ATXN7: variants seen among roughly 807,000 people sequenced by gnomAD.
ATXN7 encodes ataxin 7, also known as ataxin-7.
In ATXN7, 12 loss-of-function variants were observed where a neutral mutation model predicts 70.5. The ratio of observed to expected loss-of-function variants is 0.17; its 90% CI spans 0.11 to 0.28. The LOEUF is 0.28. Among genes scored for constraint, ATXN7 ranks in the 10% least tolerant of loss-of-function variants. ATXN7 has a pLI of 1.00. For synonymous variants in ATXN7, 498 were observed against 448.7 expected, an observed-to-expected ratio of 1.11 and a Z score of -1.39; for missense variants, 1,256 against 1,131.7, an observed-to-expected ratio of 1.11 and a Z score of -1.58.
At chr3:63,926,489 A>C (rs908385794) in intron 4 of ATXN7, among the ~76,000 whole-genome samples, 2 of 152,152 alleles carry the variant, frequency 1.3e-5, no homozygotes, top group Middle Eastern at 3.2e-3. Context: ...TGTTTTGAAG[A>C]ACAGCAGGGG....
At position 63,979,069 on chromosome 3, in the gene ATXN7, T is replaced by TA. The variant is rs1326354715; in HGVS notation, c.500-846_500-845insA. On this transcript the variant is annotated intron_variant, in intron 5 of 12. Coordinates refer to ENST00000674280, the MANE Select transcript of ATXN7 (RefSeq NM_001377405.1). ...ATAAAGTTACCAAATGATTTACTTG[T>TA]TTCTGATGGTAACATTCTTCAACAG... 2.0e-5 allele frequency among the ~76,000 whole-genome samples: 3 copies of TA among 152,254 alleles called. No homozygotes were observed. In the East Asian group the frequency reaches 5.8e-4, roughly 29 times the overall value.
At chr3:63,864,383 G>C (rs573046639) in intron 1 of ATXN7, 2 of 152,090 alleles carry the variant, frequency 1.3e-5, no homozygotes, top group Non-Finnish European at 2.9e-5. Context: ...GGTACCGAGG[G>C]GGGCGCGTCG....
At chr3:63,988,442 T>G (rs1378956927) in intron 9 of ATXN7, 118 bp downstream of exon 9, 1 of 1,359,400 alleles carries the variant, frequency 7.4e-7, no homozygotes, top group East Asian at 2.3e-5. Flanking sequence ...GTGGAGATAG[T>G]TTTTTAAGGA....
At position 63,959,095 on chromosome 3, in the gene ATXN7, T is replaced by A. The variant is rs189991591; in HGVS notation, c.499+6612T>A. Among the ~76,000 whole-genome samples the A allele has an allele frequency of 2.5e-3, 385 of 152,340 alleles. 2 individuals carry two copies. Among genetic ancestry groups the A allele is most frequent in the African/African-American group, 9.0e-3 (374 of 41,572 alleles). ...GATATAATGATGGTAGGTAGATAATTGATTTAGCGTAGTCATTGGATTTCT... is the reference window on the plus strand; with the variant it reads ...GATATAATGATGGTAGGTAGATAATAGATTTAGCGTAGTCATTGGATTTCT... On this transcript the variant is annotated intron_variant, in intron 5 of 12. Transcript: ENST00000674280.
chr3:63,955,970 T>G (rs929602541), intron 5 of ATXN7, among the ~76,000 whole-genome samples: 8 of 152,222 alleles, frequency 5.3e-5, no homozygotes, highest in African/African-American at 1.9e-4. Context: ...CAGCTTATTA[T>G]TCGGAGTAGT....
chr3:63,964,407 G>A (rs1032929716), intron 5 of ATXN7, among the ~76,000 whole-genome samples: 2 of 152,100 alleles, frequency 1.3e-5, no homozygotes, highest in Non-Finnish European at 2.9e-5. Context: ...GGCCAGTTTT[G>A]TTTCTGATCT....
chr3:63,903,086 A>G (rs1244495755), intron 2 of ATXN7, among the ~76,000 whole-genome samples: 1 of 151,794 alleles, frequency 6.6e-6, no homozygotes, highest in Non-Finnish European at 1.5e-5. Context: ...CATCATCACC[A>G]CTTTTTCACA....
intron 1 of ATXN7, among the ~76,000 whole-genome samples, chr3:63,868,278 A>G (rs1702493689): frequency 1.3e-5 from 2 of 152,174 alleles, no homozygotes; most frequent in African/African-American, 4.8e-5. Flanking sequence ...TAAAATTCAA[A>G]TTTGGTTTCC....
chr3:63,961,064 A>T (rs2075120913), intron 5 of ATXN7, among the ~76,000 whole-genome samples: 1 of 152,172 alleles, frequency 6.6e-6, no homozygotes, highest in Admixed American at 6.5e-5. Flanking sequence ...CAACCAGAGG[A>T]TAAGTATGCA....
intron 4 of ATXN7, among the ~76,000 whole-genome samples, chr3:63,929,127 A>G (rs1704833214): frequency 6.6e-6 from 1 of 152,188 alleles, no homozygotes; most frequent in Non-Finnish European, 1.5e-5. Flanking sequence ...TTAAACATAA[A>G]AGGGAAATGG....
chr3:64,002,981 G>A lies in ATXN7; in HGVS notation c.*3514G>A, dbSNP rs1259267016. The A allele has an allele frequency of 6.6e-6, 1 of 151,972 alleles. No homozygotes were observed. Among genetic ancestry groups the A allele is most frequent in the East Asian group, 1.9e-4 (1 of 5,184 alleles). 9.4% of individuals were successfully genotyped at this position (151,972 alleles called of 1,614,324 possible). A position where few individuals can be genotyped will look rare whatever the true frequency, so the allele number is the denominator to read the frequency against. The stretch of plus-strand genomic sequence containing the variant: ...TAATTTGAAAAATGTAACTTATAAG[G>A]GCAGCTGTCTTCCTGCAAGAGTTCT... On this transcript the variant is annotated 3_prime_UTR_variant, in exon 13 of 13. Coordinates refer to ENST00000674280, the MANE Select transcript of ATXN7 (RefSeq NM_001377405.1).
intron 5 of ATXN7, among the ~76,000 whole-genome samples, chr3:63,958,115 G>T (rs2106680234): frequency 6.6e-6 from 1 of 152,276 alleles, no homozygotes; most frequent in Non-Finnish European, 1.5e-5. Context: ...ATGACTTTAT[G>T]AACGTAGTTT....
chr3:63,953,134 A>G lies in ATXN7; in HGVS notation c.499+651A>G, dbSNP rs1479417225. 3.3e-5 allele frequency among the ~76,000 whole-genome samples: 5 copies of G among 152,110 alleles called. No homozygotes were observed. In the South Asian group the frequency reaches 1.0e-3, roughly 31 times the overall value. On this transcript the variant is annotated intron_variant, in intron 5 of 12. Coordinates refer to ENST00000674280, the MANE Select transcript of ATXN7 (RefSeq NM_001377405.1). Reference sequence around the variant, plus strand: ...CGAATTGGAGAGGCAGGCAAAACTAACTAGATATACTTTAAAAATAACTAT... The same window carrying G: ...CGAATTGGAGAGGCAGGCAAAACTAGCTAGATATACTTTAAAAATAACTAT...
chr3:63,912,648 C>T lies in ATXN7; in HGVS notation c.50C>T (p.Ala17Val), dbSNP rs958191401. ...GTCAGGGGGGAGCCGCGCCGCGCGG[C>T]GGCGGCGGCGGGCGGAGCAGCGGCC... Reference protein sequence around the residue: ...DDVRGEPRRAAAAAGGAAAAA... With the variant: ...DDVRGEPRRAVAAAGGAAAAA... Residue 17 changes from alanine (A) to valine (V), a missense_variant, in exon 3 of 13, where the codon GCG becomes GTG. Physicochemically the swap from Ala to Val is moderately conservative, Grantham distance 64. Coordinates refer to ENST00000674280, the MANE Select transcript of ATXN7 (RefSeq NM_001377405.1). 7.1e-5 allele frequency: 73 copies of T among 1,035,276 alleles called. No homozygotes were observed. In the African/African-American group the frequency reaches 1.2e-3, roughly 17 times the overall value. 64.1% of individuals were successfully genotyped at this position (1,035,276 alleles called of 1,614,324 possible). A position where few individuals can be genotyped will look rare whatever the true frequency, so the allele number is the denominator to read the frequency against.
intron 2 of ATXN7, among the ~76,000 whole-genome samples, chr3:63,903,209 A>T (rs1431498581): frequency 6.6e-6 from 1 of 151,980 alleles, no homozygotes; most frequent in African/African-American, 2.4e-5. Context: ...CCTGGCTAAC[A>T]TGGTGAAACC....
At position 63,913,172 on chromosome 3, in the gene ATXN7, A is replaced by G; in HGVS notation, c.341A>G (p.Glu114Gly). 1 of 1,613,910 alleles carries G rather than the reference A, an allele frequency of 6.2e-7. No individual in the cohort carries two copies. The highest frequency in any genetic ancestry group is 1.7e-5 in the Admixed American group (1 of 59,996). ...LPGKDGTELDESFKEFGKNRE... is the reference protein window; with the variant it reads ...LPGKDGTELDGSFKEFGKNRE... Reference sequence around the variant, plus strand: ...TATCTCCTAGGGACAGAATTGGACGAAAGTTTCAAGGAGTTTGGGAAAAAC... The same window carrying G: ...TATCTCCTAGGGACAGAATTGGACGGAAGTTTCAAGGAGTTTGGGAAAAAC... Residue 114 changes from glutamate to glycine, a missense_variant, in exon 4 of 13, where the codon GAA (glutamate) becomes GGA (glycine). Transcript: ENST00000674280.
chr3:63,982,877 C>T, intron 7 of ATXN7, 62 bp from the exon 8 acceptor site: 1 of 1,279,734 alleles, frequency 7.8e-7, no homozygotes, highest in South Asian at 1.2e-5. Flanking sequence ...TATTTTCTTG[C>T]TTAAAAAATA....
rs540573007 is a variant in ATXN7, at chr3:63,866,287, G to A, written c.-111+2129G>A. 3.3e-5 allele frequency among the ~76,000 whole-genome samples: 5 copies of A among 152,148 alleles called. No individual in the cohort carries two copies. In the South Asian group the frequency reaches 1.0e-3, roughly 32 times the overall value. The stretch of plus-strand genomic sequence containing the variant: ...TTTTGAGACAGGACCTTCCTCTGTT[G>A]CCTAGGCTGGAGTGCAGTGGCACGA... On this transcript the variant is annotated intron_variant, in intron 1 of 12. Coordinates refer to ENST00000674280, the MANE Select transcript of ATXN7 (RefSeq NM_001377405.1).
At position 63,912,718 on chromosome 3, in the gene ATXN7, G is replaced by GCCGCCGCCT. The variant is rs1704092677; in HGVS notation, c.125_126insGCCTCCGCC (p.Pro41_Pro43dup). The GCCGCCGCCT allele has an allele frequency of 7.3e-6, 9 of 1,227,044 alleles. No homozygotes were observed. The highest frequency in any genetic ancestry group is 7.2e-6 in the Non-Finnish European group (7 of 973,604). 76.0% of individuals were successfully genotyped at this position (1,227,044 alleles called of 1,614,324 possible). A position where few individuals can be genotyped will look rare whatever the true frequency, so the allele number is the denominator to read the frequency against. ...AGCAGCAGCAGCAGCAGCAGCAGCCGCCGCCTCCGCAGCCCCAGCGGCAGC... is the reference window on the plus strand; with the variant it reads ...AGCAGCAGCAGCAGCAGCAGCAGCCGCCGCCGCCTCCGCCTCCGCAGCCCCAGCGGCAGC... On this transcript the variant is annotated inframe_insertion, in exon 3 of 13. Coordinates refer to ENST00000674280, the MANE Select transcript of ATXN7 (RefSeq NM_001377405.1).
Sources: allele counts gnomAD v4.1 joint callset (sites outside exome capture counted in the v4.1 genomes callset), GRCh38; gene constraint gnomAD v4.1.1; transcripts MANE v1.5; gene names NCBI Gene and HGNC (gene_info 2026-07-23, HGNC 2026-07-21).